The following MROH9 variants were observed in gnomAD, a reference collection of about 807,000 sequenced individuals.
MROH9 encodes maestro heat like repeat family member 9.
Under a neutral mutation model 98.2 loss-of-function variants are expected in MROH9, and 92 were observed. The ratio of observed to expected loss-of-function variants is 0.94; its 90% CI spans 0.79 to 1.11. The LOEUF (loss-of-function observed/expected upper bound fraction) is 1.11. MROH9 is among the 50% of genes most tolerant of loss of function. MROH9 has a pLI of 0.00. For synonymous variants in MROH9, 397 were observed against 368.9 expected (o/e 1.08, Z -0.87); for missense variants, 1,057 against 1,014.8 (o/e 1.04, Z -0.57).
chr1:170,972,460 A>G (rs769986786), intron 8 of MROH9, among the ~76,000 whole-genome samples: 5 of 152,124 alleles, frequency 3.3e-5, no homozygotes, highest in Non-Finnish European at 7.4e-5. Context: ...CCAGGATGTA[A>G]TAACAGAGAA....
intron 11 of MROH9, among the ~76,000 whole-genome samples, chr1:170,991,275 G>A (rs1355189899): frequency 6.6e-6 from 1 of 152,040 alleles, no homozygotes; most frequent in South Asian, 2.1e-4. Flanking sequence ...GAAACACATG[G>A]AACATTTGCT....
intron 8 of MROH9, among the ~76,000 whole-genome samples, chr1:170,977,418 C>T (rs879239682): frequency 2.0e-5 from 3 of 152,188 alleles, no homozygotes; most frequent in Non-Finnish European, 2.9e-5. Flanking sequence ...GATGTCTTCA[C>T]AGGACTGAGC....
At chr1:170,983,822 A>T (rs1417923552) in intron 9 of MROH9, among the ~76,000 whole-genome samples, 1 of 152,214 alleles carries the variant, frequency 6.6e-6, no homozygotes, top group East Asian at 1.9e-4. Context: ...TTGGCCAACA[A>T]ATAGTTCACT....
chr1:170,992,145 GGT>G lies in MROH9; in HGVS notation c.1029-17_1029-16del, dbSNP rs780604810. On this transcript the variant is annotated splice_polypyrimidine_tract_variant and intron_variant, in intron 11 of 21. Coordinates refer to ENST00000367759, the MANE Select transcript of MROH9 (RefSeq NM_001163629.2). ...GACAAACATGATTCTCATTGTGTGGGGTGGGGCTGTGTTTGCAGCACTCTGAT... is the reference window on the plus strand; with the variant it reads ...GACAAACATGATTCTCATTGTGTGGGGGGGCTGTGTTTGCAGCACTCTGAT... The G allele has an allele frequency of 2.5e-6, 4 of 1,589,860 alleles. No homozygotes were observed. In the Admixed American group the frequency reaches 7.1e-5, roughly 28 times the overall value.
intron 20 of MROH9, among the ~76,000 whole-genome samples, chr1:171,049,893 G>C (rs1279925212): frequency 1.3e-5 from 2 of 151,978 alleles, no homozygotes; most frequent in Non-Finnish European, 2.9e-5. Context: ...TGTTGCCTAG[G>C]CTGGTCTCAA....
At chr1:171,004,038 C>T (rs1370231107) in intron 15 of MROH9, among the ~76,000 whole-genome samples, 5 of 151,994 alleles carry the variant, frequency 3.3e-5, no homozygotes, top group East Asian at 1.9e-4. Context: ...GTGGCAGTCA[C>T]GAGCTTCACC....
chr1:171,059,891 T>A (rs1440583372), intron 20 of MROH9, among the ~76,000 whole-genome samples: 2 of 150,996 alleles, frequency 1.3e-5, no homozygotes, highest in Non-Finnish European at 3.0e-5. Context: ...GAGTGGGAGG[T>A]GAGGGGAAGA....
chr1:171,015,581 TTCTA>T (rs1303400985), intron 16 of MROH9, among the ~76,000 whole-genome samples: 5 of 152,192 alleles, frequency 3.3e-5, no homozygotes, highest in African/African-American at 1.2e-4. Flanking sequence ...TTTCCTTGCC[TTCTA>T]TTCTGTTTGG....
At position 170,989,999 on chromosome 1, in the gene MROH9, G is replaced by A. The variant is rs1651293376; in HGVS notation, c.1024G>A (p.Asp342Asn). ...FQLMDYPVPA[D>N]DTLIQMWKAA... The stretch of plus-strand genomic sequence containing the variant: ...ACTTATGGACTACCCAGTTCCAGCA[G>A]ACGAGTAAGGCCCCCCAACCCTCTG... Residue 342 changes from aspartate (D) to asparagine (N), a missense_variant, in exon 11 of 22, where the codon GAC (aspartate) becomes AAC (asparagine). By Grantham distance (23) the Asp-to-Asn change is conservative (BLOSUM62 1). Coordinates refer to ENST00000367759, the MANE Select transcript of MROH9 (RefSeq NM_001163629.2). The A allele has an allele frequency of 3.1e-6, 5 of 1,609,940 alleles. No homozygotes were observed. The highest frequency in any genetic ancestry group is 4.2e-6 in the Non-Finnish European group (5 of 1,177,322).
At chr1:171,030,341 G>C (rs1052316580) in intron 20 of MROH9, among the ~76,000 whole-genome samples, 3 of 151,988 alleles carry the variant, frequency 2.0e-5, no homozygotes, top group Non-Finnish European at 4.4e-5. Flanking sequence ...TTTTGGATTA[G>C]TTTGTTCTTG....
chr1:170,959,006 T>C (rs1649901145), intron 4 of MROH9, among the ~76,000 whole-genome samples: 1 of 152,144 alleles, frequency 6.6e-6, no homozygotes, highest in Non-Finnish European at 1.5e-5. Flanking sequence ...ACAACATTAT[T>C]ATCATTTTTA....
intron 20 of MROH9, among the ~76,000 whole-genome samples, chr1:171,060,548 T>C (rs1653980198): frequency 6.6e-6 from 1 of 152,166 alleles, no homozygotes; most frequent in Admixed American, 6.6e-5. Context: ...GCATTACACA[T>C]TAAGGTCATG....
intron 20 of MROH9, among the ~76,000 whole-genome samples, chr1:171,049,687 C>T (rs1040337872): frequency 3.5e-5 from 5 of 144,604 alleles, no homozygotes; most frequent in Admixed American, 6.9e-5. Context: ...TTTCTTTTTT[C>T]TTTTTTTTTT....
chr1:171,063,401 TG>T (rs964521105), intron 21 of MROH9, among the ~76,000 whole-genome samples: 18 of 152,064 alleles, frequency 1.2e-4, no homozygotes, highest in African/African-American at 4.3e-4. Flanking sequence ...GACAGGCACA[TG>T]CCACCATGCC....
At chr1:171,051,235 TG>T (rs1476285256) in intron 20 of MROH9, among the ~76,000 whole-genome samples, 2 of 152,208 alleles carry the variant, frequency 1.3e-5, no homozygotes, top group African/African-American at 4.8e-5. Flanking sequence ...ATCTCATTAC[TG>T]GGTATATACC....
At chr1:171,055,618 TAAAAA>T (rs1204544479) in intron 20 of MROH9, among the ~76,000 whole-genome samples, 798 of 78,280 alleles carry the variant, frequency 0.01, 16 homozygotes, top group African/African-American at 0.03. Context: ...TGAGACTTCA[TAAAAA>T]AAAAAAAAAA....
chr1:171,054,666 A>C (rs1438479920), intron 20 of MROH9, among the ~76,000 whole-genome samples: 2 of 152,236 alleles, frequency 1.3e-5, no homozygotes, highest in Non-Finnish European at 2.9e-5. Flanking sequence ...GCAAGAAAGA[A>C]ACAATCCTAT....
At chr1:171,035,587 G>GA (rs907711104) in intron 20 of MROH9, among the ~76,000 whole-genome samples, 7 of 151,906 alleles carry the variant, frequency 4.6e-5, no homozygotes, top group South Asian at 2.1e-4. Context: ...AAATTTATAA[G>GA]AAAAAAACCA....
Position 170,972,498 on chromosome 1 carries a change from G to C in MROH9, c.616+615G>C, listed in dbSNP as rs547938361. 3.3e-5 allele frequency among the ~76,000 whole-genome samples: 5 copies of C among 152,240 alleles called. No individual in the cohort carries two copies. In the East Asian group the frequency reaches 9.7e-4, roughly 29 times the overall value. On this transcript the variant is annotated intron_variant, in intron 8 of 21. Transcript: ENST00000367759. ...CATTTACTCTATTTACACTCCTATAGTAAGCAACCTTAAAAATATACATAG... is the reference window on the plus strand; with the variant it reads ...CATTTACTCTATTTACACTCCTATACTAAGCAACCTTAAAAATATACATAG...
Sources: allele counts gnomAD v4.1 joint callset (sites outside exome capture counted in the v4.1 genomes callset), GRCh38; gene constraint gnomAD v4.1.1; transcripts MANE v1.5; gene names NCBI Gene and HGNC (gene_info 2026-07-23, HGNC 2026-07-21).